Variants in VLDLR observed in about 807,000 individuals in gnomAD.
The protein encoded by VLDLR is very low-density lipoprotein receptor.
VLDLR carries 81 observed loss-of-function variants against 112.7 expected under a neutral mutation model. The observed-to-expected ratio is 0.72, with a 90% CI of 0.60 to 0.86. The LOEUF is 0.86. VLDLR is among the 40% of genes least tolerant of loss of function. The pLI is 0.00. For missense variants in VLDLR, 1,237 were observed against 1,099.4 expected, an observed-to-expected ratio of 1.13 and a Z score of -1.77; for synonymous variants, 436 against 384.8, an observed-to-expected ratio of 1.13 and a Z score of -1.56.
intron 1 of VLDLR, among the ~76,000 whole-genome samples, chr9:2,625,648 G>A (rs1332818041): frequency 6.6e-6 from 1 of 152,206 alleles, no homozygotes; most frequent in African/African-American, 2.4e-5. Context: ...TAATACAACT[G>A]CCCTCTACAT....
chr9:2,628,299 G>C (rs1363046269), intron 1 of VLDLR, among the ~76,000 whole-genome samples: 1 of 152,086 alleles, frequency 6.6e-6, no homozygotes, highest in Non-Finnish European at 1.5e-5. Flanking sequence ...AAGGCATTGA[G>C]GCCTCATTCA....
intron 1 of VLDLR, among the ~76,000 whole-genome samples, chr9:2,631,673 A>G (rs1817357011): frequency 6.9e-6 from 1 of 144,692 alleles, no homozygotes; most frequent in East Asian, 2.1e-4. Flanking sequence ...GGGGAAAGGG[A>G]GAGCAGATGA....
intron 2 of VLDLR, among the ~76,000 whole-genome samples, chr9:2,637,807 G>C (rs370353795): frequency 3.9e-5 from 6 of 152,256 alleles, no homozygotes; most frequent in Admixed American, 6.5e-5. Flanking sequence ...GCCGGACATG[G>C]TGGCAGGTGC....
rs757358634 is a variant in VLDLR at position 2,657,902 on chromosome 9, C to T, written c.*4034C>T. On this transcript the variant is annotated 3_prime_UTR_variant, in exon 19 of 19. Coordinates refer to ENST00000382100, the MANE Select transcript of VLDLR (RefSeq NM_003383.5). ...CTAAAAAACTACTCGAGTAAATATC[C>T]TAACAAGTATGATTTTTCTTGGGAA... The T allele has an allele frequency of 2.0e-5, 3 of 152,162 alleles. No individual in the cohort carries two copies. The allele number at this position is 152,162 out of a possible 1,614,324, so 9.4% of individuals were successfully genotyped here.
chr9:2,625,288 C>G (rs1294877255), intron 1 of VLDLR, among the ~76,000 whole-genome samples: 1 of 152,186 alleles, frequency 6.6e-6, no homozygotes, highest in Non-Finnish European at 1.5e-5. Flanking sequence ...ACCATAAGAT[C>G]AAGGGAACAC....
At chr9:2,634,973 A>G (rs1403431478) in intron 1 of VLDLR, among the ~76,000 whole-genome samples, 1 of 152,206 alleles carries the variant, frequency 6.6e-6, no homozygotes, top group African/African-American at 2.4e-5. Flanking sequence ...AGTTTCAACA[A>G]ATGAGAGAAA....
chr9:2,659,465 G>A lies in VLDLR; in HGVS notation c.*5597G>A, dbSNP rs888326067. 13 of 152,228 alleles carry A rather than the reference G, an allele frequency of 8.5e-5. No homozygotes were observed. The highest frequency in any genetic ancestry group is 2.2e-4 in the African/African-American group (9 of 41,468). The allele number at this position is 152,228 out of a possible 1,614,324, so 9.4% of individuals were successfully genotyped here. A position where few individuals can be genotyped will look rare whatever the true frequency, so the allele number is the denominator to read the frequency against. On this transcript the variant is annotated 3_prime_UTR_variant, in exon 19 of 19. Coordinates refer to ENST00000382100, the MANE Select transcript of VLDLR (RefSeq NM_003383.5). ...CAGTTACGTGTTATACCTTCAAGAC[G>A]CTAGACATTCCAGAATTATTTTCCT... is the stretch of plus-strand genomic sequence containing the variant.
intron 1 of VLDLR, 79 bp from the exon 2 acceptor site, chr9:2,635,374 A>AGG (rs1337071919): frequency 6.2e-7 from 1 of 1,606,682 alleles, no homozygotes; most frequent in East Asian, 2.2e-5. Flanking sequence ...CCTTCTGAGA[A>AGG]GGTCCCCATC....
intron 12 of VLDLR, 160 bp downstream of exon 12, chr9:2,647,752 G>A: frequency 1.4e-6 from 1 of 733,468 alleles, no homozygotes; most frequent in Non-Finnish European, 2.4e-6. Context: ...AAGTAAAATG[G>A]TGGATTAACA....
intron 1 of VLDLR, among the ~76,000 whole-genome samples, chr9:2,625,731 A>G (rs553049227): frequency 2.1e-4 from 32 of 152,350 alleles, no homozygotes; most frequent in Middle Eastern, 3.4e-3. Context: ...CTTGGACAAC[A>G]GAGTGATAGA....
rs1162164564 is a variant in VLDLR at position 2,654,755 on chromosome 9, C to T, written c.*887C>T. On this transcript the variant is annotated 3_prime_UTR_variant, in exon 19 of 19. Transcript: ENST00000382100. ...TCTTTTTTTTCCATTAACTTGTTTCCTGATCGAGAAACACGTGCTAAGATT... is the reference window on the plus strand; with the variant it reads ...TCTTTTTTTTCCATTAACTTGTTTCTTGATCGAGAAACACGTGCTAAGATT... 6.6e-6 allele frequency: 1 copy of T among 152,096 alleles called. No homozygotes were observed. The highest frequency in any genetic ancestry group is 1.5e-5 in the Non-Finnish European group (1 of 68,028). 9.4% of individuals were successfully genotyped at this position (152,096 alleles called of 1,614,324 possible). A position where few individuals can be genotyped will look rare whatever the true frequency, so the allele number is the denominator to read the frequency against.
chr9:2,625,397 AT>A (rs1393537070), intron 1 of VLDLR, among the ~76,000 whole-genome samples: 11 of 152,202 alleles, frequency 7.2e-5, no homozygotes, highest in African/African-American at 2.4e-4. Flanking sequence ...TATCTAGCCC[AT>A]TTTCTGTTTC....
Position 2,646,570 on chromosome 9 carries a change from C to A in VLDLR, c.1703+18C>A, listed in dbSNP as rs762217872. On this transcript the variant is annotated intron_variant, in intron 11 of 18. Coordinates refer to ENST00000382100, the MANE Select transcript of VLDLR (RefSeq NM_003383.5). Reference sequence around the variant, plus strand: ...CTGTCTGGGTTTGTAGTCTGTTTTCCATCACAGACTTTGGAATGGTATCTG... The same window carrying A: ...CTGTCTGGGTTTGTAGTCTGTTTTCAATCACAGACTTTGGAATGGTATCTG... The A allele has an allele frequency of 8.1e-6, 13 of 1,610,394 alleles. No individual in the cohort carries two copies. The African/African-American group carries it at 1.6e-4, about 20-fold the overall frequency.
intron 9 of VLDLR, 80 bp from the exon 10 acceptor site, chr9:2,645,494 T>C (rs1818028219): frequency 6.6e-7 from 1 of 1,520,600 alleles, no homozygotes; most frequent in Non-Finnish European, 9.1e-7. Flanking sequence ...TTCTAAGTGC[T>C]CCTCTGCTGG....
intron 1 of VLDLR, among the ~76,000 whole-genome samples, chr9:2,630,943 A>G (rs991375868): frequency 6.6e-6 from 1 of 152,210 alleles, no homozygotes; most frequent in Non-Finnish European, 1.5e-5. Flanking sequence ...GGAGACTAAT[A>G]TCCAGAATAT....
At chr9:2,639,793 C>A in intron 2 of VLDLR, 66 bp from the exon 3 acceptor site, 1 of 1,613,086 alleles carries the variant, frequency 6.2e-7, no homozygotes, top group East Asian at 2.2e-5. Flanking sequence ...CAGTATGAGC[C>A]CTCATGTGAA....
At chr9:2,640,977 G>A (rs1313153637) in intron 3 of VLDLR, among the ~76,000 whole-genome samples, 3 of 152,228 alleles carry the variant, frequency 2.0e-5, no homozygotes, top group Non-Finnish European at 4.4e-5. Flanking sequence ...AGAAGATTTT[G>A]TAGGTGTTTG....
chr9:2,645,449 C>G, intron 9 of VLDLR, 125 bp from the exon 10 acceptor site: 1 of 1,222,584 alleles, frequency 8.2e-7, no homozygotes, highest in Non-Finnish European at 1.2e-6. Context: ...AACTCCAGAA[C>G]AGATACTACT....
intron 4 of VLDLR, 127 bp downstream of exon 4, chr9:2,641,626 T>C: frequency 7.2e-7 from 1 of 1,379,882 alleles, no homozygotes. Flanking sequence ...CTTCACTATC[T>C]GCTCAATTAC....
Sources: allele counts gnomAD v4.1 joint callset (sites outside exome capture counted in the v4.1 genomes callset), GRCh38; gene constraint gnomAD v4.1.1; transcripts MANE v1.5; gene names NCBI Gene and HGNC (gene_info 2026-07-23, HGNC 2026-07-21).